CTNND2: variants seen among roughly 807,000 people sequenced by gnomAD.
CTNND2 encodes the protein catenin delta 2.
CTNND2 carries 22 observed loss-of-function variants against 144.4 expected under a neutral mutation model. The observed-to-expected ratio is 0.15, with a 90% CI of 0.11 to 0.22. The LOEUF is 0.22. Among genes scored for constraint, CTNND2 ranks in the 10% least tolerant of loss-of-function variants. The pLI is 1.00. For synonymous variants in CTNND2, 751 were observed against 695.6 expected (o/e 1.08, Z -1.25); for missense variants, 1,353 against 1,618.8 (o/e 0.84, Z 2.82).
At chr5:11,713,141 T>C (rs1045834884) in intron 2 of CTNND2, among the ~76,000 whole-genome samples, 2 of 152,228 alleles carry the variant, frequency 1.3e-5, no homozygotes, top group Admixed American at 6.5e-5. Context: ...CAGCAATTTA[T>C]TTCTTATTTT....
At chr5:11,640,691 C>T (rs1199351469) in intron 2 of CTNND2, among the ~76,000 whole-genome samples, 2 of 152,162 alleles carry the variant, frequency 1.3e-5, no homozygotes, top group African/African-American at 4.8e-5. Context: ...TGGCATGAGT[C>T]ACATGACACG....
At chr5:11,645,242 C>G (rs778917752) in intron 2 of CTNND2, among the ~76,000 whole-genome samples, 5 of 152,070 alleles carry the variant, frequency 3.3e-5, no homozygotes, top group Non-Finnish European at 5.9e-5. Flanking sequence ...ATTGGGATTA[C>G]AGGCATGAGC....
chr5:11,708,473 C>T (rs4533887), intron 2 of CTNND2, among the ~76,000 whole-genome samples: 2 of 152,056 alleles, frequency 1.3e-5, no homozygotes, highest in African/African-American at 4.8e-5. Context: ...AGTAGTTCTA[C>T]GAATTATAAT....
In CTNND2 at chr5:11,207,258, G is replaced by A. The variant is rs566639563; in HGVS notation, c.1762-7597C>T. Among the ~76,000 whole-genome samples the A allele has an allele frequency of 2.2e-4, 33 of 152,132 alleles. 1 individual carries two copies. The South Asian group carries it at 6.9e-3, about 32-fold the overall frequency. On this transcript the variant is annotated intron_variant, in intron 10 of 21. Transcript: ENST00000304623. ...TTGGGGGGTGTGGGGCTTGCGGAGG[G>A]ATAGCATTAGGAGAAATACCTAACG...
chr5:11,024,610 A>G (rs899703456), intron 16 of CTNND2, among the ~76,000 whole-genome samples: 6 of 152,162 alleles, frequency 3.9e-5, no homozygotes, highest in Non-Finnish European at 7.3e-5. Flanking sequence ...ATAACTGAAA[A>G]AATACTCCAG....
intron 2 of CTNND2, among the ~76,000 whole-genome samples, chr5:11,655,035 C>G (rs1019743129): frequency 2.0e-5 from 3 of 151,936 alleles, no homozygotes; most frequent in Non-Finnish European, 4.4e-5. Context: ...TCTTGCTGCC[C>G]TGTTGGAAGA....
chr5:11,381,582 G>T (rs1033288290), intron 7 of CTNND2, among the ~76,000 whole-genome samples: 2 of 152,160 alleles, frequency 1.3e-5, no homozygotes, highest in Non-Finnish European at 2.9e-5. Context: ...TAGTCACAGG[G>T]CCAGCTCACT....
intron 16 of CTNND2, among the ~76,000 whole-genome samples, chr5:11,041,918 C>A (rs1044791032): frequency 1.3e-5 from 2 of 152,140 alleles, no homozygotes; most frequent in Non-Finnish European, 2.9e-5. Flanking sequence ...AATGTATTAG[C>A]AAATTTACTT....
At chr5:11,415,102 C>G (rs181276437) in intron 3 of CTNND2, among the ~76,000 whole-genome samples, 1 of 152,276 alleles carries the variant, frequency 6.6e-6, no homozygotes, top group Admixed American at 6.5e-5. Flanking sequence ...TCATATTCCT[C>G]TGTAATGGGA....
chr5:11,736,603 A>T (rs936308587), intron 1 of CTNND2, among the ~76,000 whole-genome samples: 2 of 152,192 alleles, frequency 1.3e-5, no homozygotes, highest in African/African-American at 4.8e-5. Flanking sequence ...GAATCCCTGG[A>T]TGGCCTTAGG....
chr5:11,408,963 T>A (rs935807283), intron 5 of CTNND2, among the ~76,000 whole-genome samples: 1 of 152,072 alleles, frequency 6.6e-6, no homozygotes, highest in Non-Finnish European at 1.5e-5. Flanking sequence ...ACTATTATCG[T>A]ATGCATCTTA....
intron 2 of CTNND2, among the ~76,000 whole-genome samples, chr5:11,695,181 G>C (rs1031750892): frequency 3.9e-5 from 6 of 152,186 alleles, no homozygotes; most frequent in African/African-American, 1.4e-4. Flanking sequence ...TGGAAGAAGA[G>C]GGATCACACA....
At chr5:11,591,767 C>T (rs1779254406) in intron 2 of CTNND2, among the ~76,000 whole-genome samples, 1 of 151,826 alleles carries the variant, frequency 6.6e-6, no homozygotes, top group Non-Finnish European at 1.5e-5. Context: ...TTTTGTGTTC[C>T]TTTATTCTCT....
intron 9 of CTNND2, among the ~76,000 whole-genome samples, chr5:11,261,920 T>C (rs1393415686): frequency 6.6e-6 from 1 of 152,178 alleles, no homozygotes; most frequent in Non-Finnish European, 1.5e-5. Flanking sequence ...GTTAGATAAA[T>C]ATTTAAAGTT....
chr5:11,214,922 AT>A (rs905890437), intron 10 of CTNND2, among the ~76,000 whole-genome samples: 1 of 151,994 alleles, frequency 6.6e-6, no homozygotes, highest in African/African-American at 2.4e-5. Context: ...TCTTAGCTCC[AT>A]TTACCACCTG....
chr5:11,072,453 T>A (rs891060500), intron 16 of CTNND2, among the ~76,000 whole-genome samples: 1 of 152,244 alleles, frequency 6.6e-6, no homozygotes, highest in Non-Finnish European at 1.5e-5. Context: ...TACATTATAA[T>A]ACACGAAATT....
chr5:11,004,432 C>A (rs1343743958), intron 18 of CTNND2, among the ~76,000 whole-genome samples: 1 of 152,174 alleles, frequency 6.6e-6, no homozygotes, highest in Non-Finnish European at 1.5e-5. Flanking sequence ...TACGCTGGGT[C>A]TCAACTTCAA....
chr5:11,172,422 T>C (rs1760025629), intron 11 of CTNND2, among the ~76,000 whole-genome samples: 1 of 152,252 alleles, frequency 6.6e-6, no homozygotes, highest in African/African-American at 2.4e-5. Context: ...TATTTGTTCA[T>C]TTGTCTCATT....
chr5:11,463,062 T>C (rs1645199503), intron 3 of CTNND2, among the ~76,000 whole-genome samples: 1 of 152,246 alleles, frequency 6.6e-6, no homozygotes, highest in African/African-American at 2.4e-5. Flanking sequence ...TCCAACATAA[T>C]AGCTTTGACA....
Sources: allele counts gnomAD v4.1 joint callset (sites outside exome capture counted in the v4.1 genomes callset), GRCh38; gene constraint gnomAD v4.1.1; transcripts MANE v1.5; gene names NCBI Gene and HGNC (gene_info 2026-07-23, HGNC 2026-07-21).